The following PER2 variants were observed in gnomAD, a reference collection of about 807,000 sequenced individuals.
PER2 encodes period circadian regulator 2.
Under a neutral mutation model 121.0 loss-of-function variants are expected in PER2, and 66 were observed. That is an observed-to-expected ratio of 0.55 (90% confidence interval 0.45 to 0.67). The LOEUF is 0.67. Ranked by LOEUF, PER2 falls within the 30% of genes least tolerant of loss-of-function variation. The pLI is 0.00. For synonymous variants in PER2, 684 were observed against 659.9 expected, an observed-to-expected ratio of 1.04 and a Z score of -0.56; for missense variants, 1,521 against 1,635.0, an observed-to-expected ratio of 0.93 and a Z score of 1.20.
intron 1 of PER2, among the ~76,000 whole-genome samples, chr2:238,284,156 G>C (rs1005482572): frequency 2.0e-5 from 3 of 152,126 alleles, no homozygotes. Context: ...CAGAAAAACA[G>C]ACGGCGGCTG....
At chr2:238,257,940 G>T (rs1290260732) in intron 16 of PER2, among the ~76,000 whole-genome samples, 1 of 152,274 alleles carries the variant, frequency 6.6e-6, no homozygotes, top group African/African-American at 2.4e-5. Flanking sequence ...CTTGAGACCA[G>T]TGTGGCTGCA....
Position 238,268,862 on chromosome 2 carries a change from A to G in PER2, c.824+61T>C. On this transcript the variant is annotated intron_variant, in intron 7 of 22. Coordinates refer to ENST00000254657, the MANE Select transcript of PER2 (RefSeq NM_022817.3). This position sits in a 1 kb window ranked among gnomAD's most constrained non-coding sequence, Gnocchi z 4.0. ...CACGCCCCCCAGCCTCAAGCGGAGCAGTGCTGGGGTGAAATGTTTATACGG... is the reference window on the plus strand; with the variant it reads ...CACGCCCCCCAGCCTCAAGCGGAGCGGTGCTGGGGTGAAATGTTTATACGG... 5 of 1,212,946 alleles carry G rather than the reference A, an allele frequency of 4.1e-6. No individual in the cohort carries two copies. Among genetic ancestry groups the G allele is most frequent in the Admixed American group, 1.7e-5 (1 of 59,382 alleles). The allele number at this position is 1,212,946 out of a possible 1,614,324, so 75.1% of individuals were successfully genotyped here.
upstream of PER2, among the ~76,000 whole-genome samples, chr2:238,292,709 A>T (rs1045081615): frequency 1.2e-4 from 18 of 150,094 alleles, no homozygotes; most frequent in Middle Eastern, 3.4e-3. Context: ...CTAATTCGCT[A>T]AGATTTTTGT....
Position 238,245,070 on chromosome 2 carries a change from A to AAAG in PER2, c.*1304_*1305insCTT, listed in dbSNP as rs1695411384. ...AAAAAAAAAAAAAAAAAAAAAAAAA[A>AAAG]GAAAACCCTGGTCCCTTTTAAGCCT... On this transcript the variant is annotated 3_prime_UTR_variant, in exon 23 of 23. Transcript: ENST00000254657. The AAAG allele has an allele frequency of 3.4e-5, 5 of 146,246 alleles. No individual in the cohort carries two copies. The highest frequency in any genetic ancestry group is 3.6e-3 in the Middle Eastern group (1 of 280). The allele number at this position is 146,246 out of a possible 1,614,324, so 9.1% of individuals were successfully genotyped here. A position where few individuals can be genotyped will look rare whatever the true frequency, so the allele number is the denominator to read the frequency against.
chr2:238,296,796 G>C, the PER2 span, among the ~76,000 whole-genome samples: 4 of 152,242 alleles, frequency 2.6e-5, no homozygotes. Flanking sequence ...GGTTCCCTGA[G>C]ACCTTGAGCA....
intron 4 of PER2, among the ~76,000 whole-genome samples, chr2:238,274,279 C>T (rs2106321186): frequency 1.3e-5 from 2 of 152,328 alleles, no homozygotes; most frequent in African/African-American, 2.4e-5. Context: ...AGCAAAGGGG[C>T]CAGCTCGAGG....
chr2:238,297,571 A>G, the PER2 span, among the ~76,000 whole-genome samples: 13 of 152,232 alleles, frequency 8.5e-5, no homozygotes, highest in Non-Finnish European at 1.5e-4. Context: ...TTCAAACCAC[A>G]GGAAGATGAG....
rs146117791 is a variant in PER2 at position 238,251,735 on chromosome 2, G to A, written c.3138C>T (p.Asn1046=). Residue 1046 remains asparagine (N), a synonymous_variant, in exon 20 of 23, where the codon AAC becomes AAT. Transcript: ENST00000254657. The part of the protein sequence containing the change: ...LTRDEPSDTQ[N]SDALSTSSGL... Reference sequence around the variant, plus strand: ...CGCTTGACGTGGAAAGGGCGTCACTGTTCTGTGTGTCTGAGGGTTCATCAC... The same window carrying A: ...CGCTTGACGTGGAAAGGGCGTCACTATTCTGTGTGTCTGAGGGTTCATCAC... 3.1e-6 allele frequency: 5 copies of A among 1,606,108 alleles called. No individual in the cohort carries two copies. Among genetic ancestry groups the A allele is most frequent in the Non-Finnish European group, 4.3e-6 (5 of 1,175,532 alleles).
At chr2:238,278,016 C>A (rs1295112296) in intron 1 of PER2, 61 bp from the exon 2 acceptor site, 2 of 1,557,232 alleles carry the variant, frequency 1.3e-6, no homozygotes, top group African/African-American at 1.4e-5. Flanking sequence ...GCGCTGCAGC[C>A]ATCAGGTAGA....
chr2:238,268,332 T>C lies in PER2; in HGVS notation c.825-134A>G. On this transcript the variant is annotated intron_variant, in intron 7 of 22. Coordinates refer to ENST00000254657, the MANE Select transcript of PER2 (RefSeq NM_022817.3). The surrounding 1 kb of genome is among the most constrained non-coding windows in gnomAD (Gnocchi z 4.0). ...TCTGCTCTGCCTGAGGAGCTGGGCC[T>C]GCCCCCTGCCCTCTTCGGTCCCTCC... 1 of 877,582 alleles carries C rather than the reference T, an allele frequency of 1.1e-6. No homozygotes were observed. Among genetic ancestry groups the C allele is most frequent in the Non-Finnish European group, 1.8e-6 (1 of 545,482 alleles). The allele number at this position is 877,582 out of a possible 1,614,324, so 54.4% of individuals were successfully genotyped here.
intron 1 of PER2, among the ~76,000 whole-genome samples, chr2:238,285,696 A>G (rs1253294254): frequency 1.6e-5 from 2 of 128,054 alleles, no homozygotes; most frequent in Non-Finnish European, 3.7e-5. Flanking sequence ...GGACAGTGCC[A>G]GCCCCCCAGA....
In PER2 at chr2:238,268,179, T is replaced by A. The variant is rs369174758; in HGVS notation, c.844A>T (p.Asn282Tyr). The change falls in exon 8 of 23, where the codon AAT becomes TAT. Residue 282 changes from asparagine to tyrosine, a missense_variant. By Grantham distance (143) the Asn-to-Tyr change is moderately radical (BLOSUM62 -2). Transcript: ENST00000254657. The surrounding 1 kb of genome is among the most constrained non-coding windows in gnomAD (Gnocchi z 4.0). ...CGGAAGGGGTGGTAGCGGATTTCATTCTCGTGGCTTTTCCGGACACTGCGG... is the reference window on the plus strand; with the variant it reads ...CGGAAGGGGTGGTAGCGGATTTCATACTCGTGGCTTTTCCGGACACTGCGG... ...CRVSVRKSHE[N>Y]EIRYHPFRMT... 6 of 1,614,028 alleles carry A rather than the reference T, an allele frequency of 3.7e-6. No homozygotes were observed. Among genetic ancestry groups the A allele is most frequent in the Non-Finnish European group, 5.1e-6 (6 of 1,179,978 alleles).
At chr2:238,266,222 G>A (rs948753449) in intron 8 of PER2, among the ~76,000 whole-genome samples, 2 of 152,026 alleles carry the variant, frequency 1.3e-5, no homozygotes, top group African/African-American at 4.8e-5. Flanking sequence ...TGATGTTTAA[G>A]ATGAAACTAC....
intron 1 of PER2, among the ~76,000 whole-genome samples, chr2:238,287,033 G>A (rs1696809943): frequency 6.6e-6 from 1 of 152,196 alleles, no homozygotes; most frequent in Non-Finnish European, 1.5e-5. Flanking sequence ...AGACCTCTGA[G>A]ACTGCCCAAT....
chr2:238,288,825 C>T (rs1696877302), upstream of PER2, among the ~76,000 whole-genome samples: 1 of 152,042 alleles, frequency 6.6e-6, no homozygotes. Flanking sequence ...GCGCCGCGCC[C>T]GCCCCCGGCC....
At chr2:238,292,820 C>T (rs1696970875), upstream of PER2, among the ~76,000 whole-genome samples, 1 of 151,394 alleles carries the variant, frequency 6.6e-6, no homozygotes, top group South Asian at 2.1e-4. Context: ...TCACTGCAAC[C>T]TCCGCTTCCT....
intron 8 of PER2, among the ~76,000 whole-genome samples, chr2:238,266,264 A>G (rs1696109123): frequency 6.6e-6 from 1 of 151,456 alleles, no homozygotes; most frequent in Non-Finnish European, 1.5e-5. Flanking sequence ...TAGGAAAATG[A>G]GTTACATACT....
chr2:238,258,264 C>T lies in PER2; in HGVS notation c.1900+12G>A. 1.2e-6 allele frequency: 2 copies of T among 1,614,154 alleles called. No individual in the cohort carries two copies. The highest frequency in any genetic ancestry group is 1.7e-6 in the Non-Finnish European group (2 of 1,179,964). ...TATTTCACATGTACATGGCTCTACA[C>T]AGATTAGATACCTCCAGCGTGTGGC... On this transcript the variant is annotated intron_variant, in intron 16 of 22. Transcript: ENST00000254657.
At chr2:238,288,809 C>CCG (rs1254102855), upstream of PER2, among the ~76,000 whole-genome samples, 1 of 151,942 alleles carries the variant, frequency 6.6e-6, no homozygotes, top group African/African-American at 2.4e-5. Flanking sequence ...GAAAACGTGA[C>CCG]CGCGCGCGCC....
Sources: allele counts gnomAD v4.1 joint callset (sites outside exome capture counted in the v4.1 genomes callset), GRCh38; gene constraint gnomAD v4.1.1; non-coding constraint Gnocchi (gnomAD v3.1); transcripts MANE v1.5; gene names NCBI Gene and HGNC (gene_info 2026-07-23, HGNC 2026-07-21).